WDPCP: variants seen among roughly 807,000 people sequenced by gnomAD.
WDPCP encodes the protein WD repeat-containing and planar cell polarity effector protein fritz homolog.
WDPCP carries 71 observed loss-of-function variants against 93.1 expected under a neutral mutation model. The ratio of observed to expected loss-of-function variants is 0.76; its 90% CI spans 0.63 to 0.93. WDPCP has a LOEUF of 0.93. Among genes scored for constraint, WDPCP ranks in the 40% least tolerant of loss-of-function variants. The pLI is 0.00. For missense variants in WDPCP, 844 were observed against 887.4 expected (o/e 0.95, Z 0.62); for synonymous variants, 315 against 315.0 (o/e 1.00, Z 0.00).
chr2:63,622,893 C>G (rs1337730498), intron 3 of WDPCP: 2 of 1,420,050 alleles, frequency 1.4e-6, no homozygotes, highest in East Asian at 2.4e-5. Flanking sequence ...CTGGGAGGCA[C>G]GCGGGGGCCG....
At chr2:63,787,033 T>C (rs1246633588) in intron 2 of WDPCP, among the ~76,000 whole-genome samples, 2 of 152,198 alleles carry the variant, frequency 1.3e-5, no homozygotes, top group Non-Finnish European at 1.5e-5. Flanking sequence ...CATTCGTTGA[T>C]CATGACAATT....
intron 12 of WDPCP, among the ~76,000 whole-genome samples, chr2:63,358,619 G>A (rs1690200535): frequency 6.6e-6 from 1 of 152,048 alleles, no homozygotes; most frequent in African/African-American, 2.4e-5. Context: ...ATCACACCTG[G>A]CTAATTATTT....
intron 2 of WDPCP, among the ~76,000 whole-genome samples, chr2:63,742,936 A>C (rs1481741306): frequency 6.6e-6 from 1 of 151,978 alleles, no homozygotes; most frequent in Non-Finnish European, 1.5e-5. Flanking sequence ...AGCATGACAC[A>C]TGACGCAGGT....
chr2:63,125,319 G>C (rs188072000), intron 17 of WDPCP, among the ~76,000 whole-genome samples: 9 of 152,294 alleles, frequency 5.9e-5, no homozygotes, highest in Admixed American at 2.6e-4. Flanking sequence ...CTTAGAACTT[G>C]TCATTTCACC....
chr2:63,513,143 G>A (rs1702341772), intron 1 of WDPCP, among the ~76,000 whole-genome samples: 1 of 152,104 alleles, frequency 6.6e-6, no homozygotes, highest in Admixed American at 6.5e-5. Context: ...TTACACTTCT[G>A]GGGAAGTTGG....
At chr2:63,751,574 G>T in intron 2 of WDPCP, 1 of 408,774 alleles carries the variant, frequency 2.4e-6, no homozygotes, top group Non-Finnish European at 4.7e-6. Context: ...TTTTTTTATA[G>T]CAGCTAGGCC....
At chr2:63,238,640 T>C (rs897108880) in intron 14 of WDPCP, among the ~76,000 whole-genome samples, 3 of 152,212 alleles carry the variant, frequency 2.0e-5, no homozygotes, top group African/African-American at 7.2e-5. Flanking sequence ...GCTACACAGG[T>C]TTAAAGACAC....
intron 6 of WDPCP, among the ~76,000 whole-genome samples, chr2:63,473,144 A>G (rs1375420086): frequency 2.0e-5 from 3 of 152,188 alleles, no homozygotes; most frequent in East Asian, 3.9e-4. Context: ...TAAGGAGGTT[A>G]GTTGGCACAG....
chr2:63,431,950 A>T (rs1033643292), intron 9 of WDPCP, among the ~76,000 whole-genome samples: 10 of 152,182 alleles, frequency 6.6e-5, no homozygotes, highest in African/African-American at 2.4e-4. Context: ...AAAATATTCA[A>T]ATGCATAAAA....
chr2:63,321,309 GTCTC>G (rs1010597798), intron 12 of WDPCP, among the ~76,000 whole-genome samples: 5 of 128,228 alleles, frequency 3.9e-5, no homozygotes, highest in African/African-American at 1.5e-4. Context: ...ACTGAAGTGT[GTCTC>G]TATTATCAGA....
At chr2:63,745,593 G>A (rs940832708) in intron 2 of WDPCP, among the ~76,000 whole-genome samples, 3 of 151,874 alleles carry the variant, frequency 2.0e-5, no homozygotes, top group African/African-American at 4.8e-5. Flanking sequence ...TTTGGGTATT[G>A]GTCTTATAGC....
At chr2:63,193,549 G>C (rs1411978815) in intron 14 of WDPCP, among the ~76,000 whole-genome samples, 2 of 152,160 alleles carry the variant, frequency 1.3e-5, no homozygotes, top group African/African-American at 4.8e-5. Flanking sequence ...GCAGTGGCAT[G>C]ATCACAGCTC....
intron 13 of WDPCP, among the ~76,000 whole-genome samples, chr2:63,291,212 C>G (rs1384958304): frequency 6.6e-6 from 1 of 151,612 alleles, no homozygotes; most frequent in Non-Finnish European, 1.5e-5. Flanking sequence ...AAAAAAAATA[C>G]AGTTTCTATG....
chr2:63,152,797 T>C, intron 17 of WDPCP, 117 bp downstream of exon 17: 1 of 914,958 alleles, frequency 1.1e-6, no homozygotes, highest in Non-Finnish European at 1.8e-6. Flanking sequence ...ATCTAGTTAA[T>C]GTAGTCCAGT....
intron 12 of WDPCP, among the ~76,000 whole-genome samples, chr2:63,345,644 G>A (rs1689141063): frequency 6.6e-6 from 1 of 152,168 alleles, no homozygotes; most frequent in Non-Finnish European, 1.5e-5. Context: ...CTCTAGAGAT[G>A]TTAAGATGCA....
At chr2:63,595,787 C>T (rs1224840926) in intron 3 of WDPCP, among the ~76,000 whole-genome samples, 2 of 152,114 alleles carry the variant, frequency 1.3e-5, no homozygotes, top group African/African-American at 4.8e-5. Flanking sequence ...TGTAATATTG[C>T]ACAAGGGTTA....
At chr2:63,690,125 G>A (rs1173233501) in intron 2 of WDPCP, among the ~76,000 whole-genome samples, 1 of 152,232 alleles carries the variant, frequency 6.6e-6, no homozygotes, top group Non-Finnish European at 1.5e-5. Context: ...GGACAGTCAT[G>A]AGGTGAACCA....
chr2:63,378,519 T>C lies in WDPCP; in HGVS notation c.1625-10A>G, dbSNP rs1185590605. 3.7e-6 allele frequency: 6 copies of C among 1,612,854 alleles called. No individual in the cohort carries two copies. Among genetic ancestry groups the C allele is most frequent in the Non-Finnish European group, 5.1e-6 (6 of 1,179,262 alleles). On this transcript the variant is annotated splice_polypyrimidine_tract_variant and intron_variant, in intron 11 of 17. Coordinates refer to ENST00000272321, the MANE Select transcript of WDPCP (RefSeq NM_015910.7). ...CTTGTCTCAAGCTGTGCTGTGGAAT[T>C]CAAACATAGCAGCACTAAAACAAGT...
intron 13 of WDPCP, among the ~76,000 whole-genome samples, chr2:63,264,118 G>A (rs13431266): frequency 0.019 from 2,845 of 152,018 alleles, 95 homozygotes; most frequent in African/African-American, 0.065. Context: ...ATGTACCCCC[G>A]GCCAGATGCC....
Sources: gnomAD v4.1 joint callset for allele counts (sites outside exome capture counted in the v4.1 genomes callset) on GRCh38, gnomAD v4.1.1 for gene constraint, MANE v1.5 for transcripts, NCBI Gene and HGNC (gene_info 2026-07-23, HGNC 2026-07-21) for gene names.